SCFD1: variants seen among roughly 807,000 people sequenced by gnomAD.
SCFD1 encodes sec1 family domain-containing protein 1.
SCFD1 carries 37 observed loss-of-function variants against 103.2 expected under a neutral mutation model. That is an observed-to-expected ratio of 0.36 (90% CI 0.28 to 0.47). SCFD1 has a LOEUF of 0.47. Ranked by LOEUF, SCFD1 falls within the 20% of genes least tolerant of loss-of-function variation. SCFD1 has a pLI of 1.00. For synonymous variants in SCFD1, 264 were observed against 245.0 expected (o/e 1.08, Z -0.73); for missense variants, 639 against 761.2 (o/e 0.84, Z 1.89).
At position 30,728,778 on chromosome 14, in the gene SCFD1, T is replaced by C. The variant is rs551270687; in HGVS notation, c.1837-6012T>C. On this transcript the variant is annotated intron_variant, in intron 23 of 24. Transcript: ENST00000458591. Reference sequence around the variant, plus strand: ...ATGACTTACGAAGTCAAGAATCTTTTCACATGTGTATTGGCCATTTGTATA... The same window carrying C: ...ATGACTTACGAAGTCAAGAATCTTTCCACATGTGTATTGGCCATTTGTATA... Among the ~76,000 whole-genome samples the C allele has an allele frequency of 3.9e-5, 6 of 152,280 alleles. No individual in the cohort carries two copies. In the South Asian group the frequency reaches 1.2e-3, roughly 32 times the overall value.
intron 3 of SCFD1, among the ~76,000 whole-genome samples, chr14:30,631,589 C>A (rs929182105): frequency 6.6e-6 from 1 of 151,960 alleles, no homozygotes; most frequent in East Asian, 1.9e-4. Flanking sequence ...TCTAATTAAT[C>A]ATTAATATGA....
chr14:30,710,606 C>T (rs183890871), intron 19 of SCFD1, among the ~76,000 whole-genome samples: 69 of 152,204 alleles, frequency 4.5e-4, no homozygotes, highest in African/African-American at 1.6e-3. Flanking sequence ...GGATTGAAAT[C>T]TAGAATCAAG....
intron 11 of SCFD1, among the ~76,000 whole-genome samples, chr14:30,672,445 C>G (rs576612261): frequency 3.3e-5 from 5 of 152,224 alleles, no homozygotes; most frequent in African/African-American, 1.2e-4. Flanking sequence ...TTTCAGATGT[C>G]AGAGCTGAGG....
At chr14:30,653,629 A>G in intron 10 of SCFD1, 41 bp downstream of exon 10, 1 of 1,292,452 alleles carries the variant, frequency 7.7e-7, no homozygotes, top group Non-Finnish European at 1.1e-6. Context: ...AAATATAGTA[A>G]CATGCAGTGT....
chr14:30,703,911 A>ATATATG (rs1891252112), intron 17 of SCFD1, among the ~76,000 whole-genome samples: 1 of 4,622 alleles, frequency 2.2e-4, no homozygotes, highest in Non-Finnish European at 4.2e-4. Context: ...GAATATTTGC[A>ATATATG]TATATATATA....
intron 10 of SCFD1, among the ~76,000 whole-genome samples, chr14:30,664,645 G>GA (rs748021408): frequency 6.6e-5 from 10 of 152,090 alleles, no homozygotes; most frequent in Non-Finnish European, 1.5e-4. Context: ...TAAAAACCTT[G>GA]AAAAAAGATT....
intron 13 of SCFD1, among the ~76,000 whole-genome samples, chr14:30,674,651 A>T (rs1376138678): frequency 6.6e-6 from 1 of 151,914 alleles, no homozygotes; most frequent in Non-Finnish European, 1.5e-5. Flanking sequence ...CTCAAAAAAA[A>T]GAAGGAGGGA....
chr14:30,666,608 C>T (rs1470049705), intron 10 of SCFD1, among the ~76,000 whole-genome samples: 2 of 152,008 alleles, frequency 1.3e-5, no homozygotes, highest in Admixed American at 6.6e-5. Flanking sequence ...TCAATGAATC[C>T]AGGAGCTGGT....
At chr14:30,660,023 C>T (rs1002416) in intron 10 of SCFD1, among the ~76,000 whole-genome samples, 12 of 152,144 alleles carry the variant, frequency 7.9e-5, no homozygotes, top group Middle Eastern at 3.4e-3. Context: ...TATAATTTTA[C>T]GCAACAAAAT....
At chr14:30,646,080 C>A (rs1454695473) in intron 7 of SCFD1, among the ~76,000 whole-genome samples, 1 of 152,044 alleles carries the variant, frequency 6.6e-6, no homozygotes, top group East Asian at 1.9e-4. Context: ...GGCTGGAGTG[C>A]AGTGGCACAA....
chr14:30,653,688 A>G (rs776179612), intron 10 of SCFD1, 100 bp downstream of exon 10: 1 of 772,722 alleles, frequency 1.3e-6, no homozygotes, highest in Non-Finnish European at 2.1e-6. Flanking sequence ...AAAAATGAGA[A>G]GGATGGAACT....
intron 10 of SCFD1, among the ~76,000 whole-genome samples, chr14:30,656,256 C>T (rs1014479418): frequency 3.9e-5 from 6 of 152,110 alleles, no homozygotes; most frequent in Admixed American, 2.0e-4. Flanking sequence ...CCACTGCACC[C>T]GGACAGAAAA....
intron 1 of SCFD1, among the ~76,000 whole-genome samples, chr14:30,626,142 G>GT (rs890260647): frequency 1.3e-5 from 2 of 151,396 alleles, no homozygotes; most frequent in African/African-American, 2.4e-5. Flanking sequence ...GTGTTAAACT[G>GT]TTTTTTTGTT....
intron 10 of SCFD1, among the ~76,000 whole-genome samples, chr14:30,657,228 G>A (rs1380677201): frequency 1.3e-5 from 2 of 151,964 alleles, no homozygotes; most frequent in African/African-American, 2.4e-5. Context: ...AAAGTACAGG[G>A]TGCTTTGAGT....
intron 4 of SCFD1, chr14:30,634,791 G>C (rs1884549292): frequency 2.2e-6 from 1 of 455,958 alleles, no homozygotes. Context: ...CGCTGCGCCT[G>C]TAGGCATCAA....
chr14:30,721,756 T>G lies in SCFD1; in HGVS notation c.1737-128T>G, dbSNP rs915070087. The G allele has an allele frequency of 2.2e-5, 17 of 766,278 alleles. No individual in the cohort carries two copies. The Admixed American group carries it at 4.0e-4, about 18-fold the overall frequency. 47.5% of individuals were successfully genotyped at this position (766,278 alleles called of 1,614,324 possible). A position where few individuals can be genotyped will look rare whatever the true frequency, so the allele number is the denominator to read the frequency against. ...AGCAAAATTAAAGGACCCACCCCTCTAAGAAGGTGAAGGAGGTAGAATTGT... is the reference window on the plus strand; with the variant it reads ...AGCAAAATTAAAGGACCCACCCCTCGAAGAAGGTGAAGGAGGTAGAATTGT... On this transcript the variant is annotated intron_variant, in intron 21 of 24. Coordinates refer to ENST00000458591, the MANE Select transcript of SCFD1 (RefSeq NM_016106.4).
chr14:30,677,236 C>T (rs1889101857), intron 14 of SCFD1, among the ~76,000 whole-genome samples: 1 of 152,114 alleles, frequency 6.6e-6, no homozygotes, highest in East Asian at 1.9e-4. Flanking sequence ...AATCATAGCT[C>T]AATATAGCCT....
intron 7 of SCFD1, among the ~76,000 whole-genome samples, chr14:30,647,927 A>C (rs976360375): frequency 6.6e-6 from 1 of 152,224 alleles, no homozygotes; most frequent in African/African-American, 2.4e-5. Flanking sequence ...CTGGGATTAC[A>C]GGCATGAGCC....
At chr14:30,663,206 T>C (rs1380799730) in intron 10 of SCFD1, among the ~76,000 whole-genome samples, 1 of 152,214 alleles carries the variant, frequency 6.6e-6, no homozygotes, top group African/African-American at 2.4e-5. Context: ...TAACATGCTT[T>C]CCTACTTTTA....
Sources: allele counts gnomAD v4.1 joint callset (sites outside exome capture counted in the v4.1 genomes callset), GRCh38; gene constraint gnomAD v4.1.1; transcripts MANE v1.5; gene names NCBI Gene and HGNC (gene_info 2026-07-23, HGNC 2026-07-21).